CADM2: variants seen among roughly 807,000 people sequenced by gnomAD.
The protein encoded by CADM2 is cell adhesion molecule 2, also known as immunoglobulin superfamily member 4D.
In CADM2, 12 loss-of-function variants were observed where a neutral mutation model predicts 49.8. That is an observed-to-expected ratio of 0.24 (90% confidence interval 0.15 to 0.39). The LOEUF is 0.39. Among genes scored for constraint, CADM2 ranks in the 10% least tolerant of loss-of-function variants. The pLI, the probability that CADM2 is intolerant of heterozygous loss-of-function variation, is 1.00. For missense variants in CADM2, 378 were observed against 492.3 expected, an observed-to-expected ratio of 0.77 and a Z score of 2.20; for synonymous variants, 214 against 175.4, an observed-to-expected ratio of 1.22 and a Z score of -1.74.
intron 1 of CADM2, among the ~76,000 whole-genome samples, chr3:85,489,032 T>G (rs1306590232): frequency 1.3e-5 from 2 of 152,142 alleles, no homozygotes; most frequent in Admixed American, 1.3e-4. Flanking sequence ...GGTAATATCT[T>G]AAGAATCTTG....
At chr3:84,964,248 T>C (rs2030801609) in intron 1 of CADM2, among the ~76,000 whole-genome samples, 1 of 152,156 alleles carries the variant, frequency 6.6e-6, no homozygotes, top group African/African-American at 2.4e-5. Flanking sequence ...TTAAATCACT[T>C]AAAGAGCAAA....
intron 8 of CADM2, among the ~76,000 whole-genome samples, chr3:85,962,699 A>G (rs1365136860): frequency 6.6e-6 from 1 of 151,914 alleles, no homozygotes; most frequent in Non-Finnish European, 1.5e-5. Flanking sequence ...ACTTTATTGT[A>G]TATGTCAGGG....
intron 1 of CADM2, among the ~76,000 whole-genome samples, chr3:85,487,378 A>G (rs983786607): frequency 2.0e-5 from 3 of 152,124 alleles, no homozygotes; most frequent in Non-Finnish European, 4.4e-5. Flanking sequence ...GTAAATAAAT[A>G]AACCGGACAT....
chr3:85,142,634 A>C (rs986866342), intron 1 of CADM2, among the ~76,000 whole-genome samples: 12 of 152,236 alleles, frequency 7.9e-5, no homozygotes, highest in African/African-American at 2.9e-4. Flanking sequence ...AATTATTCCC[A>C]ATGAGTTAAA....
At chr3:85,581,411 C>T (rs1233395007) in intron 1 of CADM2, among the ~76,000 whole-genome samples, 1 of 148,236 alleles carries the variant, frequency 6.7e-6, no homozygotes, top group African/African-American at 2.5e-5. Context: ...AAAATTCTTC[C>T]TGAAAAAGTC....
chr3:85,084,486 A>G (rs960630476), intron 1 of CADM2, among the ~76,000 whole-genome samples: 2 of 152,162 alleles, frequency 1.3e-5, no homozygotes, highest in Non-Finnish European at 2.9e-5. Context: ...GTGTTCTCCA[A>G]TATAGAGTAG....
intron 3 of CADM2, among the ~76,000 whole-genome samples, chr3:85,823,801 T>C (rs2073746022): frequency 6.6e-6 from 1 of 152,138 alleles, no homozygotes; most frequent in Non-Finnish European, 1.5e-5. Flanking sequence ...TATCTGTCTG[T>C]TTATAGCTAT....
At chr3:84,976,939 T>G (rs570179331) in intron 1 of CADM2, among the ~76,000 whole-genome samples, 9 of 152,062 alleles carry the variant, frequency 5.9e-5, no homozygotes, top group African/African-American at 2.2e-4. Flanking sequence ...TAAAGGTGTT[T>G]TTTACTGTAA....
At chr3:85,611,108 CA>C (rs1395483792) in intron 1 of CADM2, among the ~76,000 whole-genome samples, 2 of 151,630 alleles carry the variant, frequency 1.3e-5, no homozygotes, top group African/African-American at 4.8e-5. Flanking sequence ...TATGAGTAAC[CA>C]AAAAAGATAA....
chr3:85,594,766 A>G (rs1289258481), intron 1 of CADM2, among the ~76,000 whole-genome samples: 1 of 152,000 alleles, frequency 6.6e-6, no homozygotes, highest in Non-Finnish European at 1.5e-5. Flanking sequence ...TGCTTTGTTT[A>G]TAAAATGCTA....
At chr3:85,914,748 T>G (rs559225142) in intron 6 of CADM2, among the ~76,000 whole-genome samples, 1 of 152,164 alleles carries the variant, frequency 6.6e-6, no homozygotes, top group Non-Finnish European at 1.5e-5. Flanking sequence ...AATCTCTGGA[T>G]GTAGGTAAGA....
At chr3:85,942,932 C>A (rs1178636696) in intron 7 of CADM2, among the ~76,000 whole-genome samples, 1 of 152,084 alleles carries the variant, frequency 6.6e-6, no homozygotes, top group African/African-American at 2.4e-5. Context: ...AATGGTTGAA[C>A]TAGTTCACAG....
At chr3:85,380,200 A>C (rs1163040455) in intron 1 of CADM2, among the ~76,000 whole-genome samples, 1 of 152,066 alleles carries the variant, frequency 6.6e-6, no homozygotes, top group Admixed American at 6.6e-5. Context: ...CCCACAAAAA[A>C]TAGGAAGCAA....
intron 1 of CADM2, among the ~76,000 whole-genome samples, chr3:85,046,396 A>G (rs2035657947): frequency 6.7e-6 from 1 of 148,156 alleles, no homozygotes; most frequent in Non-Finnish European, 1.5e-5. Context: ...TACCATTTCC[A>G]CAACCAACAG....
intron 1 of CADM2, among the ~76,000 whole-genome samples, chr3:85,282,191 A>C (rs1427788396): frequency 1.3e-5 from 2 of 151,208 alleles, no homozygotes; most frequent in African/African-American, 4.9e-5. Flanking sequence ...TTTTTTTTAA[A>C]TTAGATATTA....
intron 8 of CADM2, among the ~76,000 whole-genome samples, chr3:86,056,563 A>C (rs1738015753): frequency 1.3e-5 from 2 of 152,230 alleles, no homozygotes; most frequent in African/African-American, 2.4e-5. Flanking sequence ...AGAAAGGATG[A>C]GCAGATCAGA....
At chr3:85,014,471 T>G (rs2034156353) in intron 1 of CADM2, among the ~76,000 whole-genome samples, 1 of 151,368 alleles carries the variant, frequency 6.6e-6, no homozygotes, top group African/African-American at 2.4e-5. Context: ...ATAGTGTGCA[T>G]AGGAAAATAC....
At chr3:85,927,561 GGA>G (rs1164880058) in intron 6 of CADM2, among the ~76,000 whole-genome samples, 6 of 152,078 alleles carry the variant, frequency 3.9e-5, no homozygotes, top group African/African-American at 1.2e-4. Context: ...AGTACTCATA[GGA>G]ACTAATTTTG....
In CADM2 at chr3:85,693,566, C is replaced by CAAAAA. The variant is rs562723713; in HGVS notation, c.62-32942_62-32938dup. Among the ~76,000 whole-genome samples the CAAAAA allele has an allele frequency of 8.4e-4, 64 of 76,022 alleles. 1 individual carries two copies. Among genetic ancestry groups the CAAAAA allele is most frequent in the African/African-American group, 2.8e-3 (52 of 18,284 alleles). 49.9% of individuals were successfully genotyped at this position (76,022 alleles called of 152,430 possible). Reference sequence around the variant, plus strand: ...CTGCAGTCCTGCCTCGGCGAAAGAGCAAAAAAAAAAAAAAAAAAGAAAAGA... The same window carrying CAAAAA: ...CTGCAGTCCTGCCTCGGCGAAAGAGCAAAAAAAAAAAAAAAAAAAAAAAGAAAAGA... On this transcript the variant is annotated intron_variant, in intron 1 of 9. Coordinates refer to ENST00000383699, the MANE Select transcript of CADM2 (RefSeq NM_001167675.2).
Sources: gnomAD v4.1 joint callset for allele counts (sites outside exome capture counted in the v4.1 genomes callset) on GRCh38, gnomAD v4.1.1 for gene constraint, MANE v1.5 for transcripts, NCBI Gene and HGNC (gene_info 2026-07-23, HGNC 2026-07-21) for gene names.